Variants in CACNB2 observed in about 807,000 individuals in gnomAD.
CACNB2 encodes voltage-dependent L-type calcium channel subunit beta-2.
In CACNB2, 42 loss-of-function variants were observed where a neutral mutation model predicts 73.3. The ratio of observed to expected loss-of-function variants is 0.57; its 90% confidence interval spans 0.45 to 0.74. The LOEUF (loss-of-function observed/expected upper bound fraction) is 0.74. CACNB2 is among the 30% of genes least tolerant of loss of function. CACNB2 has a pLI of 0.00. For synonymous variants in CACNB2, 348 were observed against 310.3 expected (o/e 1.12, Z -1.28); for missense variants, 940 against 853.0 (o/e 1.10, Z -1.27).
At position 18,355,698 on chromosome 10, in the gene CACNB2, G is replaced by A. The variant is rs554838784; in HGVS notation, c.214-46226G>A. On this transcript the variant is annotated intron_variant, in intron 2 of 13. Coordinates refer to ENST00000324631, the MANE Select transcript of CACNB2 (RefSeq NM_201596.3). ...GTCGCCCAGGGTGGAGTACAGTGGC[G>A]CGATCTCGGCTCGCTGCAACATTTG... Among the ~76,000 whole-genome samples, 8 of 150,528 alleles carry A rather than the reference G, an allele frequency of 5.3e-5. No homozygotes were observed. In the South Asian group the frequency reaches 6.3e-4, roughly 12 times the overall value.
chr10:18,213,548 A>G (rs553374999), intron 2 of CACNB2, among the ~76,000 whole-genome samples: 12 of 152,058 alleles, frequency 7.9e-5, no homozygotes, highest in Non-Finnish European at 1.3e-4. Flanking sequence ...TTTCTTGACT[A>G]TTTTTCCTAC....
intron 2 of CACNB2, among the ~76,000 whole-genome samples, chr10:18,268,779 T>C (rs545858453): frequency 1.2e-3 from 183 of 152,322 alleles, no homozygotes; most frequent in African/African-American, 4.0e-3. Flanking sequence ...CAGAAAGGCT[T>C]ATAAAATTTA....
chr10:18,186,056 A>G (rs1424251193), intron 2 of CACNB2, among the ~76,000 whole-genome samples: 2 of 152,240 alleles, frequency 1.3e-5, no homozygotes, highest in African/African-American at 2.4e-5. Context: ...TGTGTCTGCC[A>G]CATGGAAGTT....
chr10:18,539,052 A>T, intron 13 of CACNB2, 178 bp from the exon 14 acceptor site: 1 of 720,840 alleles, frequency 1.4e-6, no homozygotes, highest in Non-Finnish European at 2.4e-6. Flanking sequence ...AATTTAATAT[A>T]GTATAGTATA....
chr10:18,359,113 C>CTT (rs553267195), intron 2 of CACNB2, among the ~76,000 whole-genome samples: 1 of 147,690 alleles, frequency 6.8e-6, no homozygotes, highest in South Asian at 2.1e-4. Flanking sequence ...TAGCCATTTT[C>CTT]TTTTTTTTTT....
At chr10:18,341,222 G>T (rs1209360351) in intron 2 of CACNB2, among the ~76,000 whole-genome samples, 2 of 152,134 alleles carry the variant, frequency 1.3e-5, no homozygotes, top group African/African-American at 4.8e-5. Context: ...GTAGCTTAGG[G>T]AGAGAGTCCC....
chr10:18,162,560 G>A (rs1292372172), intron 2 of CACNB2, among the ~76,000 whole-genome samples: 4 of 152,162 alleles, frequency 2.6e-5, no homozygotes, highest in African/African-American at 9.7e-5. Flanking sequence ...GAAATCTCTA[G>A]GAAATATTTC....
At chr10:18,415,207 G>A (rs998229) in intron 3 of CACNB2, among the ~76,000 whole-genome samples, 44,620 of 152,102 alleles carry the variant, frequency 0.29, 6,935 homozygotes, top group Middle Eastern at 0.43. Flanking sequence ...GCTCATGCCT[G>A]TAATCTCAGC....
intron 2 of CACNB2, among the ~76,000 whole-genome samples, chr10:18,189,966 A>G (rs1045725091): frequency 1.4e-4 from 21 of 152,200 alleles, no homozygotes; most frequent in African/African-American, 4.8e-4. Flanking sequence ...AGTTGAGTTC[A>G]TAAGTATGTA....
At chr10:18,254,036 G>A (rs1200480971) in intron 2 of CACNB2, among the ~76,000 whole-genome samples, 1 of 152,208 alleles carries the variant, frequency 6.6e-6, no homozygotes, top group Admixed American at 6.5e-5. Context: ...CTGTACGTGG[G>A]AGAGTCCATT....
At chr10:18,253,834 C>A (rs539340868) in intron 2 of CACNB2, among the ~76,000 whole-genome samples, 1 of 152,248 alleles carries the variant, frequency 6.6e-6, no homozygotes, top group East Asian at 1.9e-4. Flanking sequence ...GAAGTTTGGG[C>A]GCGAAGACAA....
intron 3 of CACNB2, among the ~76,000 whole-genome samples, chr10:18,442,338 A>G (rs1367598771): frequency 6.6e-6 from 1 of 151,568 alleles, no homozygotes; most frequent in Admixed American, 6.6e-5. Context: ...TTTAGTAGAG[A>G]TGGGTTTCAC....
chr10:18,288,635 G>A (rs903612108), intron 2 of CACNB2, among the ~76,000 whole-genome samples: 10 of 148,236 alleles, frequency 6.7e-5, no homozygotes, highest in African/African-American at 2.5e-4. Flanking sequence ...AAAAAACATA[G>A]TTTTTAGGCA....
At position 18,462,821 on chromosome 10, in the gene CACNB2, C is replaced by G. The variant is rs207470725; in HGVS notation, c.334-35534C>G. 5.3e-4 allele frequency among the ~76,000 whole-genome samples: 80 copies of G among 152,104 alleles called. 1 individual carries two copies. Among genetic ancestry groups the G allele is most frequent in the African/African-American group, 1.8e-3 (76 of 41,486 alleles). On this transcript the variant is annotated intron_variant, in intron 3 of 13. Transcript: ENST00000324631. ...TTGCCCAGGCTGGAGTGCAGTGACA[C>G]GATCTAGTCTCACTGCAACCTCCAC...
chr10:18,220,109 TAATATATATATATATA>T (rs1162766271), intron 2 of CACNB2, among the ~76,000 whole-genome samples: 1 of 32,174 alleles, frequency 3.1e-5, no homozygotes, highest in South Asian at 1.1e-3. Flanking sequence ...TTTTATTTTT[TAATATATATATATATA>T]TATATATATA....
At chr10:18,418,615 G>C (rs2132697093) in intron 3 of CACNB2, among the ~76,000 whole-genome samples, 1 of 152,308 alleles carries the variant, frequency 6.6e-6, no homozygotes, top group Non-Finnish European at 1.5e-5. Context: ...ACCACTCACA[G>C]ACTGCTAAGT....
intron 2 of CACNB2, among the ~76,000 whole-genome samples, chr10:18,320,634 C>T (rs1417212825): frequency 6.6e-6 from 1 of 152,166 alleles, no homozygotes; most frequent in Non-Finnish European, 1.5e-5. Context: ...CTTCCCATGC[C>T]ATTGTCATCT....
In CACNB2 at chr10:18,161,631, T is replaced by TC. The variant is rs1564305930; in HGVS notation, c.213+10656_213+10657insC. On this transcript the variant is annotated intron_variant, in intron 2 of 13. Transcript: ENST00000324631. ...GAAAGTTGGAACATGGCAAATCTCT[T>TC]TTTTTTTTTTTATAACAACTGCCCC... Among the ~76,000 whole-genome samples the TC allele has an allele frequency of 2.4e-4, 13 of 53,156 alleles. No individual in the cohort carries two copies. In the East Asian group the frequency reaches 5.8e-3, roughly 24 times the overall value. 34.9% of individuals were successfully genotyped at this position (53,156 alleles called of 152,430 possible). A position where few individuals can be genotyped will look rare whatever the true frequency, so the allele number is the denominator to read the frequency against.
At chr10:18,426,077 C>G (rs2045584748) in intron 3 of CACNB2, among the ~76,000 whole-genome samples, 3 of 152,064 alleles carry the variant, frequency 2.0e-5, no homozygotes, top group Admixed American at 1.3e-4. Context: ...ATTCTTGGAC[C>G]TTTCTGTTCC....
Sources: gnomAD v4.1 joint callset for allele counts (sites outside exome capture counted in the v4.1 genomes callset) on GRCh38, gnomAD v4.1.1 for gene constraint, MANE v1.5 for transcripts, NCBI Gene and HGNC (gene_info 2026-07-23, HGNC 2026-07-21) for gene names.